Variants in PUS7 observed in about 807,000 individuals in gnomAD.
PUS7 encodes the protein pseudouridine synthase 7, also known as pseudouridylate synthase 7 homolog.
Under a neutral mutation model 79.8 loss-of-function variants are expected in PUS7, and 48 were observed. The observed-to-expected ratio is 0.60, with a 90% CI of 0.48 to 0.76. PUS7 has a LOEUF of 0.76. PUS7 is among the 30% of genes least tolerant of loss of function. The probability of loss-of-function intolerance (pLI) is 0.00; values close to 1 mark genes in which losing one functional copy is unlikely to be tolerated. For missense variants in PUS7, 729 were observed against 797.6 expected, an observed-to-expected ratio of 0.91 and a Z score of 1.04; for synonymous variants, 286 against 272.2, an observed-to-expected ratio of 1.05 and a Z score of -0.50.
intron 5 of PUS7, among the ~76,000 whole-genome samples, chr7:105,495,736 C>A (rs933009621): frequency 4.6e-5 from 7 of 151,660 alleles, no homozygotes; most frequent in African/African-American, 1.7e-4. Context: ...CAGAGCAAGA[C>A]CCTGTCTCAA....
intron 1 of PUS7, among the ~76,000 whole-genome samples, chr7:105,519,754 G>T (rs901613142): frequency 6.6e-6 from 1 of 152,172 alleles, no homozygotes; most frequent in Non-Finnish European, 1.5e-5. Context: ...GAGCTCCAAA[G>T]AATTAAAACA....
At chr7:105,521,784 C>G (rs1826125356) in intron 1 of PUS7, among the ~76,000 whole-genome samples, 1 of 151,556 alleles carries the variant, frequency 6.6e-6, no homozygotes, top group South Asian at 2.1e-4. Context: ...GCGGCGCCTC[C>G]GGACGACTGG....
chr7:105,473,282 C>G (rs889624141), intron 9 of PUS7, among the ~76,000 whole-genome samples: 1 of 152,108 alleles, frequency 6.6e-6, no homozygotes, highest in Non-Finnish European at 1.5e-5. Flanking sequence ...GACAGTCTCC[C>G]TCTGTTGTCT....
chr7:105,504,668 C>A (rs954622180), intron 4 of PUS7, among the ~76,000 whole-genome samples: 1 of 152,036 alleles, frequency 6.6e-6, no homozygotes, highest in African/African-American at 2.4e-5. Context: ...CACATGTATA[C>A]GAAAATACAT....
At chr7:105,462,297 T>C (rs1482869259) in intron 14 of PUS7, 1 of 229,748 alleles carries the variant, frequency 4.4e-6, no homozygotes, top group Non-Finnish European at 8.4e-6. Context: ...CCAGGTGTGG[T>C]GGCAGGTGCC....
At chr7:105,487,258 C>T (rs1182637394) in intron 7 of PUS7, among the ~76,000 whole-genome samples, 1 of 152,134 alleles carries the variant, frequency 6.6e-6, no homozygotes, top group African/African-American at 2.4e-5. Flanking sequence ...CGTTTCCTCT[C>T]CCTGCAGACC....
intron 5 of PUS7, among the ~76,000 whole-genome samples, chr7:105,500,267 A>G (rs1825194036): frequency 6.6e-6 from 1 of 152,170 alleles, no homozygotes; most frequent in South Asian, 2.1e-4. Flanking sequence ...TCAGTACTTC[A>G]CTTGTAAAAT....
At chr7:105,474,511 G>A (rs1236498727) in intron 9 of PUS7, among the ~76,000 whole-genome samples, 1 of 151,510 alleles carries the variant, frequency 6.6e-6, no homozygotes, top group Non-Finnish European at 1.5e-5. Context: ...GCTCACACCT[G>A]TAATCTCAGC....
chr7:105,471,665 C>G (rs1335882483), intron 10 of PUS7, among the ~76,000 whole-genome samples: 1 of 152,136 alleles, frequency 6.6e-6, no homozygotes, highest in African/African-American at 2.4e-5. Context: ...GTAATCCCAG[C>G]ACTTTGGGAG....
intron 1 of PUS7, among the ~76,000 whole-genome samples, chr7:105,514,387 A>T (rs1275237659): frequency 2.0e-5 from 3 of 152,100 alleles, no homozygotes. Flanking sequence ...GGTGGATCAC[A>T]AGGTCAAGAG....
At chr7:105,490,614 G>C (rs575088666) in intron 7 of PUS7, among the ~76,000 whole-genome samples, 1 of 152,128 alleles carries the variant, frequency 6.6e-6, no homozygotes, top group South Asian at 2.1e-4. Flanking sequence ...GGCCCTTCAG[G>C]ATCTACATCC....
intron 6 of PUS7, among the ~76,000 whole-genome samples, chr7:105,494,635 CTT>C (rs1824930845): frequency 6.6e-6 from 1 of 151,978 alleles, no homozygotes; most frequent in African/African-American, 2.4e-5. Context: ...GTCTCGATCT[CTT>C]GACCTCGTGA....
intron 11 of PUS7, among the ~76,000 whole-genome samples, chr7:105,469,588 T>C (rs1020695403): frequency 2.0e-5 from 3 of 152,150 alleles, no homozygotes; most frequent in African/African-American, 7.2e-5. Context: ...GTCTCTCAAG[T>C]AGCTGGGATT....
intron 1 of PUS7, among the ~76,000 whole-genome samples, chr7:105,514,568 T>C (rs1351908670): frequency 1.6e-4 from 23 of 145,440 alleles, no homozygotes; most frequent in East Asian, 8.7e-4. Context: ...CGCGCCACTG[T>C]ACTCCAGCCT....
chr7:105,483,578 C>A (rs1313261824), intron 7 of PUS7, among the ~76,000 whole-genome samples: 11 of 152,106 alleles, frequency 7.2e-5, no homozygotes, highest in Non-Finnish European at 1.5e-5. Flanking sequence ...CGATTACAGG[C>A]GTGAGATAAG....
At position 105,495,125 on chromosome 7, in the gene PUS7, T is replaced by C. The variant is rs755484604; in HGVS notation, c.842+17A>G. 6.9e-7 allele frequency: 1 copy of C among 1,447,522 alleles called. No individual in the cohort carries two copies. Among genetic ancestry groups the C allele is most frequent in the South Asian group, 1.2e-5 (1 of 83,460 alleles). 89.7% of individuals were successfully genotyped at this position (1,447,522 alleles called of 1,614,324 possible). On this transcript the variant is annotated intron_variant, in intron 6 of 15. Transcript: ENST00000469408. ...CTGTTGCTTTGATTTTGTATAGGCA[T>C]AACAACAGTAACTCACCTTAAGTAT...
chr7:105,509,772 C>T (rs761934014), intron 1 of PUS7, among the ~76,000 whole-genome samples: 8 of 152,160 alleles, frequency 5.3e-5, no homozygotes, highest in Non-Finnish European at 1.0e-4. Context: ...AGCCACCCTG[C>T]CTGGCCACAG....
chr7:105,511,029 GTTAT>G (rs748415269), intron 1 of PUS7, among the ~76,000 whole-genome samples: 5 of 151,608 alleles, frequency 3.3e-5, no homozygotes, highest in Non-Finnish European at 7.4e-5. Context: ...TTAACTAAAT[GTTAT>G]TTATTTATTT....
In PUS7 at chr7:105,482,405, C is replaced by T. The variant is rs775664833; in HGVS notation, c.956G>A (p.Cys319Tyr). 5.6e-6 allele frequency: 9 copies of T among 1,607,424 alleles called. 1 individual carries two copies. Among genetic ancestry groups the T allele is most frequent in the Non-Finnish European group, 5.9e-6 (7 of 1,176,914 alleles). Residue 319 changes from cysteine to tyrosine, a missense_variant, in exon 8 of 16, where the codon TGC (cysteine) becomes TAC (tyrosine). Coordinates refer to ENST00000469408, the MANE Select transcript of PUS7 (RefSeq NM_019042.5). ...ATTCCCTAGCTTAAAGTTCATCAAG[C>T]ACTTATTCAGGTGGGCAAGTCTTTG... ...TAQRLAHLNK[C>Y]LMNFKLGNFS... is the part of the protein sequence containing the mutation.
Sources: allele counts gnomAD v4.1 joint callset (sites outside exome capture counted in the v4.1 genomes callset), GRCh38; gene constraint gnomAD v4.1.1; transcripts MANE v1.5; gene names NCBI Gene and HGNC (gene_info 2026-07-23, HGNC 2026-07-21).